LRRIQ1: variants seen among roughly 807,000 people sequenced by gnomAD.
LRRIQ1 encodes leucine rich repeats and IQ motif containing 1, also known as leucine-rich repeat- and IQ domain-containing protein 1.
A neutral mutation model predicts 211.9 loss-of-function variants in LRRIQ1; 210 were observed. The ratio of observed to expected loss-of-function variants is 0.99; its 90% CI spans 0.89 to 1.11. LRRIQ1 has a LOEUF of 1.11. Ranked by LOEUF, LRRIQ1 falls within the 50% of genes most tolerant of loss-of-function variation. LRRIQ1 has a pLI of 0.00. For synonymous variants in LRRIQ1, 699 were observed against 650.1 expected (o/e 1.08, Z -1.14); for missense variants, 2,136 against 1,939.5 (o/e 1.10, Z -1.90).
intron 19 of LRRIQ1, among the ~76,000 whole-genome samples, chr12:85,151,532 C>A (rs1890241530): frequency 6.6e-6 from 1 of 151,500 alleles, no homozygotes; most frequent in Admixed American, 6.6e-5. Flanking sequence ...GAAATTAATT[C>A]TAAGCCATAT....
At chr12:85,230,653 A>G (rs958965529) in intron 25 of LRRIQ1, among the ~76,000 whole-genome samples, 1 of 152,208 alleles carries the variant, frequency 6.6e-6, no homozygotes, top group African/African-American at 2.4e-5. Flanking sequence ...GATTTAAGGA[A>G]ATAAAAGTCC....
chr12:85,200,700 T>C (rs1172316256), intron 24 of LRRIQ1, among the ~76,000 whole-genome samples: 1 of 152,226 alleles, frequency 6.6e-6, no homozygotes. Flanking sequence ...TATTGAGAAT[T>C]CTTGTGGTTT....
intron 11 of LRRIQ1, among the ~76,000 whole-genome samples, chr12:85,096,750 A>G (rs1376859801): frequency 6.6e-6 from 1 of 152,180 alleles, no homozygotes; most frequent in Non-Finnish European, 1.5e-5. Flanking sequence ...GTCTAATGCT[A>G]TCCATGGGAA....
intron 13 of LRRIQ1, among the ~76,000 whole-genome samples, chr12:85,101,484 G>A (rs947949297): frequency 6.6e-5 from 10 of 151,672 alleles, no homozygotes; most frequent in Non-Finnish European, 1.2e-4. Flanking sequence ...GCTTTTTGTC[G>A]TCTTTGAAAT....
chr12:85,086,688 A>G lies in LRRIQ1; in HGVS notation c.2888-11667A>G, dbSNP rs200524001. 5.3e-5 allele frequency among the ~76,000 whole-genome samples: 8 copies of G among 151,952 alleles called. No individual in the cohort carries two copies. In the East Asian group the frequency reaches 1.5e-3, roughly 29 times the overall value. ...TTATAAATAACAAAATAAATATCAAATTTGTGTAGATACAGTTGATGAAAC... is the reference window on the plus strand; with the variant it reads ...TTATAAATAACAAAATAAATATCAAGTTTGTGTAGATACAGTTGATGAAAC... On this transcript the variant is annotated intron_variant, in intron 11 of 26. Transcript: ENST00000393217.
intron 13 of LRRIQ1, among the ~76,000 whole-genome samples, chr12:85,102,453 T>C (rs1172296807): frequency 6.6e-6 from 1 of 151,870 alleles, no homozygotes. Flanking sequence ...AAGTGGGATC[T>C]TATATGTTTA....
At chr12:85,173,633 A>G (rs1174915316) in intron 24 of LRRIQ1, among the ~76,000 whole-genome samples, 2 of 151,786 alleles carry the variant, frequency 1.3e-5, no homozygotes, top group Non-Finnish European at 2.9e-5. Context: ...ACACACACAC[A>G]CGCACACACA....
chr12:85,242,268 G>A (rs1895498568), intron 26 of LRRIQ1, among the ~76,000 whole-genome samples: 1 of 151,668 alleles, frequency 6.6e-6, no homozygotes, highest in African/African-American at 2.4e-5. Flanking sequence ...AGGTTAAGTT[G>A]GCCCTCCATA....
intron 10 of LRRIQ1, among the ~76,000 whole-genome samples, chr12:85,068,489 T>G (rs1882691601): frequency 6.6e-6 from 1 of 151,866 alleles, no homozygotes; most frequent in Admixed American, 6.6e-5. Flanking sequence ...CATCTTTACT[T>G]TTTTGGGGTT....
At chr12:85,213,666 A>C (rs1893944255) in intron 24 of LRRIQ1, among the ~76,000 whole-genome samples, 1 of 152,052 alleles carries the variant, frequency 6.6e-6, no homozygotes, top group East Asian at 1.9e-4. Context: ...AGTAAACTAC[A>C]AATCAATAAT....
chr12:85,064,411 C>T (rs960624315), intron 8 of LRRIQ1, among the ~76,000 whole-genome samples: 2 of 151,786 alleles, frequency 1.3e-5, no homozygotes, highest in Non-Finnish European at 2.9e-5. Context: ...CTTATATATT[C>T]CGGTTACTAA....
intron 24 of LRRIQ1, among the ~76,000 whole-genome samples, chr12:85,217,482 A>G (rs1283469009): frequency 2.4e-5 from 2 of 83,968 alleles, no homozygotes; most frequent in Non-Finnish European, 4.0e-5. Context: ...ATATATATAT[A>G]TATATATATG....
chr12:85,088,517 A>T (rs1216596148), intron 11 of LRRIQ1, among the ~76,000 whole-genome samples: 2 of 152,180 alleles, frequency 1.3e-5, no homozygotes, highest in Admixed American at 1.3e-4. Context: ...ATAGCATTGA[A>T]TCTATAAATT....
In LRRIQ1 at chr12:85,056,346, A is replaced by G; in HGVS notation, c.1553A>G (p.Lys518Arg). ...ACTGAATTGGGAAACTCTGATCTAA[A>G]AGGAAATCTGAAAGAACAGTTTCCA... is the stretch of plus-strand genomic sequence containing the variant. The part of the protein sequence containing the change: ...NKTELGNSDL[K>R]GNLKEQFPLQ... The change falls in exon 8 of 27, where the codon AAA (lysine) becomes AGA (arginine). Residue 518 changes from lysine (K) to arginine (R), a missense_variant. By Grantham distance (26) the Lys-to-Arg change is conservative. Transcript: ENST00000393217. 1 of 1,595,806 alleles carries G rather than the reference A, an allele frequency of 6.3e-7. No individual in the cohort carries two copies. The highest frequency in any genetic ancestry group is 8.5e-7 in the Non-Finnish European group (1 of 1,175,352).
intron 24 of LRRIQ1, among the ~76,000 whole-genome samples, chr12:85,176,298 CT>C (rs1891695235): frequency 6.6e-6 from 1 of 151,896 alleles, no homozygotes; most frequent in East Asian, 1.9e-4. Flanking sequence ...CATGATTTGG[CT>C]CTCTGTTTGT....
intron 24 of LRRIQ1, among the ~76,000 whole-genome samples, chr12:85,161,922 C>G (rs1890904007): frequency 6.6e-6 from 1 of 151,992 alleles, no homozygotes; most frequent in South Asian, 2.1e-4. Context: ...CTCCTGTAGT[C>G]CCAGCTACTC....
chr12:85,153,545 T>C (rs896786201), intron 21 of LRRIQ1, 118 bp from the exon 22 acceptor site: 1 of 696,778 alleles, frequency 1.4e-6, no homozygotes, highest in Non-Finnish European at 2.4e-6. Flanking sequence ...CAAGATAATG[T>C]TTTTTGCTAA....
exon 2 of LRRIQ1, chr12:85,262,983 A>G (rs557715140): frequency 2.4e-5 from 24 of 987,776 alleles, no homozygotes; most frequent in Middle Eastern, 2.8e-4. Context: ...AAAAGAACGT[A>G]TATCATTCCG....
chr12:85,264,509 T>C (rs1002833576), downstream of LRRIQ1: 11 of 152,084 alleles, frequency 7.2e-5, no homozygotes, highest in African/African-American at 2.4e-4. Context: ...GTGTTCAGCC[T>C]TGACATTATT....
Sources: gnomAD v4.1 joint callset for allele counts (sites outside exome capture counted in the v4.1 genomes callset) on GRCh38, gnomAD v4.1.1 for gene constraint, MANE v1.5 for transcripts, NCBI Gene and HGNC (gene_info 2026-07-23, HGNC 2026-07-21) for gene names.